RAB11FIP4: variants seen among roughly 807,000 people sequenced by gnomAD.
The protein encoded by RAB11FIP4 is rab11 family-interacting protein 4.
Under a neutral mutation model 74.3 loss-of-function variants are expected in RAB11FIP4, and 23 were observed. The observed-to-expected ratio is 0.31, with a 90% CI of 0.22 to 0.44. The LOEUF (loss-of-function observed/expected upper bound fraction) is 0.44, where lower values mean the gene tolerates loss of function less well. Ranked by LOEUF, RAB11FIP4 falls within the 20% of genes least tolerant of loss-of-function variation. The probability of loss-of-function intolerance (pLI) is 1.00; values close to 1 mark genes in which losing one functional copy is unlikely to be tolerated. For missense variants in RAB11FIP4, 630 were observed against 863.9 expected (o/e 0.73, Z 3.39); for synonymous variants, 360 against 359.9 (o/e 1.00, Z 0.00).
chr17:31,487,370 G>A (rs1008897911), intron 3 of RAB11FIP4, among the ~76,000 whole-genome samples: 1 of 152,000 alleles, frequency 6.6e-6, no homozygotes, highest in Non-Finnish European at 1.5e-5. Flanking sequence ...CCTCCGCCTC[G>A]GCCACTTTGT....
In RAB11FIP4 at chr17:31,536,756, C is replaced by T. The variant is rs551722022; in HGVS notation, c.*5024C>T. The T allele has an allele frequency of 7.9e-6, 3 of 378,120 alleles. No individual in the cohort carries two copies. The South Asian group carries it at 4.4e-4, about 55-fold the overall frequency. 23.4% of individuals were successfully genotyped at this position (378,120 alleles called of 1,614,324 possible). A position where few individuals can be genotyped will look rare whatever the true frequency, so the allele number is the denominator to read the frequency against. On this transcript the variant is annotated 3_prime_UTR_variant, in exon 15 of 15. Transcript: ENST00000621161. ...AGCGGGAGAGGCTGGAACCAGGAGC[C>T]TGCCCTACCTGCATGGCAGGACAAC...
intron 3 of RAB11FIP4, chr17:31,487,939 G>C (rs1456249012): frequency 8.3e-5 from 55 of 664,464 alleles, no homozygotes; most frequent in Non-Finnish European, 1.0e-4. Flanking sequence ...CTCGGGTTCC[G>C]GGGCCGCGTC....
rs145130014 is a variant in RAB11FIP4 at position 31,466,100 on chromosome 17, C to T, written c.336+31978C>T. ...CGGAGGTTGCAGTGAGCCGAGATCA[C>T]GCCACTGCACTCCAGCTTGGGTGAC... On this transcript the variant is annotated intron_variant, in intron 3 of 14. Coordinates refer to ENST00000621161, the MANE Select transcript of RAB11FIP4 (RefSeq NM_032932.6). 1.2e-3 allele frequency among the ~76,000 whole-genome samples: 189 copies of T among 151,974 alleles called. 2 individuals are homozygous for T. In the East Asian group the frequency reaches 0.035, roughly 28 times the overall value.
chr17:31,492,268 C>G (rs2072023447), intron 3 of RAB11FIP4, among the ~76,000 whole-genome samples: 1 of 152,210 alleles, frequency 6.6e-6, no homozygotes. Context: ...CCCAGGGAGT[C>G]ACTCCCACAT....
At chr17:31,465,083 G>A (rs538410973) in intron 3 of RAB11FIP4, among the ~76,000 whole-genome samples, 5 of 152,116 alleles carry the variant, frequency 3.3e-5, no homozygotes, top group African/African-American at 9.6e-5. Flanking sequence ...CAGGGCCTAC[G>A]GGCAGTCAGT....
chr17:31,531,660 G>A lies in RAB11FIP4; in HGVS notation c.1842G>A (p.Leu614=). ...LKEQEEINFR[L]RQYMDKIILA... Reference sequence around the variant, plus strand: ...AGCAGGAGGAGATCAACTTCCGGCTGAGGCAGTACATGGACAAGATTATCC... The same window carrying A: ...AGCAGGAGGAGATCAACTTCCGGCTAAGGCAGTACATGGACAAGATTATCC... Residue 614 remains leucine (L), a synonymous_variant, in exon 15 of 15, where the codon CTG becomes CTA. Coordinates refer to ENST00000621161, the MANE Select transcript of RAB11FIP4 (RefSeq NM_032932.6). 3 of 1,614,098 alleles carry A rather than the reference G, an allele frequency of 1.9e-6. No individual in the cohort carries two copies. The highest frequency in any genetic ancestry group is 1.7e-6 in the Non-Finnish European group (2 of 1,179,970).
chr17:31,483,865 T>C (rs926091482), intron 3 of RAB11FIP4, among the ~76,000 whole-genome samples: 1 of 152,100 alleles, frequency 6.6e-6, no homozygotes, highest in Non-Finnish European at 1.5e-5. Context: ...GTTGCTTCTT[T>C]ACACCATCCA....
rs541235134 is a variant in RAB11FIP4, at chr17:31,460,723, A to G, written c.336+26601A>G. On this transcript the variant is annotated intron_variant, in intron 3 of 14. Coordinates refer to ENST00000621161, the MANE Select transcript of RAB11FIP4 (RefSeq NM_032932.6). Reference sequence around the variant, plus strand: ...CAGACACAAAGTTGAGTGGGTGTATATATAGAGACATATATATATTTCTTC... The same window carrying G: ...CAGACACAAAGTTGAGTGGGTGTATGTATAGAGACATATATATATTTCTTC... Among the ~76,000 whole-genome samples the G allele has an allele frequency of 2.7e-4, 41 of 152,132 alleles. 1 individual carries two copies. Among genetic ancestry groups the G allele is most frequent in the Admixed American group, 2.6e-3 (39 of 15,258 alleles).
At chr17:31,448,456 T>C (rs942949230) in intron 3 of RAB11FIP4, 2 of 143,694 alleles carry the variant, frequency 1.4e-5, no homozygotes, top group African/African-American at 5.2e-5. Flanking sequence ...GGTCTCAAAC[T>C]CCTGGCCTCA....
intron 1 of RAB11FIP4, 109 bp downstream of exon 1, chr17:31,392,120 C>T: frequency 2.4e-6 from 2 of 826,866 alleles, no homozygotes; most frequent in South Asian, 5.5e-5. Flanking sequence ...GGTGGCCTCC[C>T]TCCCAATCCC....
At chr17:31,411,430 A>G (rs2071094894) in intron 1 of RAB11FIP4, among the ~76,000 whole-genome samples, 1 of 152,176 alleles carries the variant, frequency 6.6e-6, no homozygotes, top group Non-Finnish European at 1.5e-5. Flanking sequence ...CAGAGATCCC[A>G]GCTAAGTCCC....
At chr17:31,396,354 T>C (rs1235193366) in intron 1 of RAB11FIP4, among the ~76,000 whole-genome samples, 1 of 152,156 alleles carries the variant, frequency 6.6e-6, no homozygotes, top group African/African-American at 2.4e-5. Flanking sequence ...CCTTCTGATA[T>C]ATTGCATTGT....
intron 2 of RAB11FIP4, among the ~76,000 whole-genome samples, chr17:31,432,251 T>C (rs2071317466): frequency 6.6e-6 from 1 of 152,064 alleles, no homozygotes; most frequent in African/African-American, 2.4e-5. Flanking sequence ...GACTCCACTT[T>C]TAAGACCAGG....
intron 3 of RAB11FIP4, among the ~76,000 whole-genome samples, chr17:31,464,270 A>T (rs2071662890): frequency 6.6e-6 from 1 of 150,644 alleles, no homozygotes; most frequent in South Asian, 2.1e-4. Context: ...ATGCCGGCCA[A>T]CAGTTGGTGG....
intron 2 of RAB11FIP4, among the ~76,000 whole-genome samples, chr17:31,433,002 C>T (rs558829042): frequency 2.6e-5 from 4 of 152,188 alleles, no homozygotes; most frequent in African/African-American, 7.2e-5. Context: ...AAAAATTAGC[C>T]GGGCATTCTG....
intron 1 of RAB11FIP4, among the ~76,000 whole-genome samples, chr17:31,393,817 C>G (rs2070900624): frequency 6.6e-6 from 1 of 152,168 alleles, no homozygotes. Flanking sequence ...GGCTTCTGGC[C>G]TTGGAGCTGC....
rs886260131 is a variant in RAB11FIP4 at position 31,512,151 on chromosome 17, G to A, written c.337-5500G>A. Among the ~76,000 whole-genome samples the A allele has an allele frequency of 6.6e-6, 1 of 152,182 alleles. No individual in the cohort carries two copies. The highest frequency in any genetic ancestry group is 2.4e-5 in the African/African-American group (1 of 41,444). On this transcript the variant is annotated intron_variant, in intron 3 of 14. Transcript: ENST00000621161. The surrounding 1 kb of genome is among the most constrained non-coding windows in gnomAD (Gnocchi z 4.1). ...CCAGGACATTGCTGGCTGACCAGCC[G>A]GGGACCCATGGCTGTAGGAATAGCT...
intron 1 of RAB11FIP4, among the ~76,000 whole-genome samples, chr17:31,397,015 G>T (rs554096978): frequency 6.6e-6 from 1 of 152,164 alleles, no homozygotes; most frequent in Admixed American, 6.5e-5. Context: ...TGGCAAAGGG[G>T]TTGGGGTGCT....
intron 3 of RAB11FIP4, among the ~76,000 whole-genome samples, chr17:31,516,211 G>A (rs2072543273): frequency 6.6e-6 from 1 of 151,534 alleles, no homozygotes; most frequent in Non-Finnish European, 1.5e-5. Flanking sequence ...ATGTAGGGTG[G>A]ATCCCAAGTT....
Sources: gnomAD v4.1 joint callset for allele counts (sites outside exome capture counted in the v4.1 genomes callset) on GRCh38, gnomAD v4.1.1 for gene constraint, Gnocchi (gnomAD v3.1) non-coding constraint, MANE v1.5 for transcripts, NCBI Gene and HGNC (gene_info 2026-07-23, HGNC 2026-07-21) for gene names.